Variants in RANBP2 observed in about 807,000 individuals in gnomAD.
The protein encoded by RANBP2 is E3 SUMO-protein ligase RanBP2.
A neutral mutation model predicts 303.6 loss-of-function variants in RANBP2; 57 were observed. That is an observed-to-expected ratio of 0.19 (90% CI 0.15 to 0.23). The LOEUF is 0.23. RANBP2 is among the 10% of genes least tolerant of loss of function. RANBP2 has a pLI of 1.00. For synonymous variants in RANBP2, 1,167 were observed against 1,301.5 expected (o/e 0.90, Z 2.23); for missense variants, 3,138 against 3,780.8 (o/e 0.83, Z 4.46).
the RANBP2 span, among the ~76,000 whole-genome samples, chr2:109,734,007 C>T: frequency 1.9e-4 from 29 of 151,906 alleles, no homozygotes; most frequent in African/African-American, 6.8e-4. Context: ...GGCGAAAACC[C>T]GTCTCTACAA....
the RANBP2 span, among the ~76,000 whole-genome samples, chr2:108,984,674 C>A: frequency 3.3e-5 from 5 of 151,906 alleles, no homozygotes; most frequent in Non-Finnish European, 5.9e-5. Flanking sequence ...TTTCTACCTG[C>A]CCTGCTAGTT....
chr2:108,743,298 A>T (rs982567523), intron 7 of RANBP2, among the ~76,000 whole-genome samples: 1 of 152,062 alleles, frequency 6.6e-6, no homozygotes, highest in African/African-American at 2.4e-5. Context: ...TGGGAGGCAG[A>T]GTCTCTTGTT....
chr2:109,624,776 CTCT>C, the RANBP2 span, among the ~76,000 whole-genome samples: 3 of 152,140 alleles, frequency 2.0e-5, no homozygotes, highest in Non-Finnish European at 4.4e-5. Context: ...CAGCAGTATC[CTCT>C]TCTTAGAAAT....
chr2:109,163,900 C>T, the RANBP2 span, among the ~76,000 whole-genome samples: 14 of 152,212 alleles, frequency 9.2e-5, no homozygotes, highest in Non-Finnish European at 1.9e-4. Flanking sequence ...AAAGAATGCA[C>T]TTAGAGTTTG....
the RANBP2 span, chr2:109,614,185 G>A: frequency 7.8e-6 from 9 of 1,155,674 alleles, no homozygotes; most frequent in East Asian, 3.7e-5. Flanking sequence ...CAGTGATTGC[G>A]GCCCTCGCGA....
chr2:109,646,118 C>G, the RANBP2 span, among the ~76,000 whole-genome samples: 29,790 of 152,082 alleles, frequency 0.2, 3,537 homozygotes, highest in Middle Eastern at 0.3. Context: ...CTACCATGCT[C>G]TCACCCTAGG....
the RANBP2 span, among the ~76,000 whole-genome samples, chr2:109,219,653 T>G: frequency 6.6e-6 from 1 of 152,322 alleles, no homozygotes; most frequent in South Asian, 2.1e-4. Flanking sequence ...TCTATAGACT[T>G]GAACAATCCG....
chr2:109,610,697 C>T, the RANBP2 span, among the ~76,000 whole-genome samples: 1 of 151,814 alleles, frequency 6.6e-6, no homozygotes, highest in East Asian at 1.9e-4. Context: ...GCCTGGGTGA[C>T]AAAGCGACAT....
the RANBP2 span, among the ~76,000 whole-genome samples, chr2:109,117,145 A>G: frequency 6.6e-6 from 1 of 152,210 alleles, no homozygotes; most frequent in South Asian, 2.1e-4. Flanking sequence ...TGCTGGGAGA[A>G]CCACTGCTCT....
chr2:109,290,280 C>G, the RANBP2 span, among the ~76,000 whole-genome samples: 1 of 152,228 alleles, frequency 6.6e-6, no homozygotes, highest in Non-Finnish European at 1.5e-5. Context: ...GAAGTGAGAA[C>G]TTCTCTTTCT....
At chr2:109,145,411 T>C in the RANBP2 span, among the ~76,000 whole-genome samples, 1 of 152,206 alleles carries the variant, frequency 6.6e-6, no homozygotes, top group Non-Finnish European at 1.5e-5. Flanking sequence ...TGTTCATTCC[T>C]GCTGTTGGCT....
the RANBP2 span, chr2:109,553,065 C>T: frequency 6.3e-7 from 1 of 1,599,534 alleles, no homozygotes; most frequent in Non-Finnish European, 8.5e-7. Flanking sequence ...AAATGCAAAT[C>T]ACATCAAACC....
At chr2:109,682,544 G>A in the RANBP2 span, among the ~76,000 whole-genome samples, 2,632 of 152,196 alleles carry the variant, frequency 0.017, 35 homozygotes, top group Admixed American at 0.026. Flanking sequence ...ATCAGCAGAT[G>A]GTAGAAGACA....
At chr2:108,874,283 A>T in the RANBP2 span, among the ~76,000 whole-genome samples, 2 of 152,188 alleles carry the variant, frequency 1.3e-5, no homozygotes, top group Admixed American at 1.3e-4. Context: ...ATTTTAGTAA[A>T]CTCTTATGGA....
the RANBP2 span, among the ~76,000 whole-genome samples, chr2:108,871,987 T>C: frequency 6.6e-6 from 1 of 152,210 alleles, no homozygotes; most frequent in Non-Finnish European, 1.5e-5. Context: ...GAATGATCTT[T>C]TAATTCCCCT....
chr2:108,789,444 A>G (rs1679535486), downstream of RANBP2, among the ~76,000 whole-genome samples: 1 of 152,134 alleles, frequency 6.6e-6, no homozygotes, highest in Non-Finnish European at 1.5e-5. Context: ...AAATAGAAAA[A>G]TTAGCCAGGC....
chr2:109,651,566 G>A, the RANBP2 span, among the ~76,000 whole-genome samples: 1 of 152,198 alleles, frequency 6.6e-6, no homozygotes, highest in Non-Finnish European at 1.5e-5. Context: ...GAAGAACAGT[G>A]GTGAAGAAAA....
the RANBP2 span, among the ~76,000 whole-genome samples, chr2:109,437,698 C>A: frequency 6.6e-6 from 1 of 151,400 alleles, no homozygotes; most frequent in African/African-American, 2.4e-5. Context: ...GTTGATCCTT[C>A]GCCTTCATGG....
the RANBP2 span, among the ~76,000 whole-genome samples, chr2:108,926,472 G>A: frequency 2.6e-5 from 4 of 152,294 alleles, no homozygotes; most frequent in Admixed American, 2.0e-4. Flanking sequence ...TGTAAGGGAC[G>A]CCGCAGATTC....
Sources: gnomAD v4.1 joint callset for allele counts (sites outside exome capture counted in the v4.1 genomes callset) on GRCh38, gnomAD v4.1.1 for gene constraint, MANE v1.5 for transcripts, NCBI Gene and HGNC (gene_info 2026-07-23, HGNC 2026-07-21) for gene names.